Variants in SV2B observed in about 807,000 individuals in gnomAD.
The protein encoded by SV2B is synaptic vesicle glycoprotein 2B.
A neutral mutation model predicts 73.9 loss-of-function variants in SV2B; 41 were observed. The observed-to-expected ratio is 0.56, with a 90% CI of 0.43 to 0.72. The LOEUF is 0.72. SV2B is among the 30% of genes least tolerant of loss of function. The probability of loss-of-function intolerance (pLI) is 0.00; values close to 1 mark genes in which losing one functional copy is unlikely to be tolerated. For missense variants in SV2B, 764 were observed against 857.8 expected (o/e 0.89, Z 1.37); for synonymous variants, 314 against 314.2 (o/e 1.00, Z 0.01).
chr15:91,260,209 A>G lies in SV2B; in HGVS notation c.919-111A>G. The G allele has an allele frequency of 4.4e-6, 4 of 919,178 alleles. No individual in the cohort carries two copies. The South Asian group carries it at 6.7e-5, about 15-fold the overall frequency. 56.9% of individuals were successfully genotyped at this position (919,178 alleles called of 1,614,324 possible). A position where few individuals can be genotyped will look rare whatever the true frequency, so the allele number is the denominator to read the frequency against. ...CATGTGCAATTGCCTCAGACCTGCT[A>G]GGAATGCTCGTATCAACATTCCCAT... is the stretch of plus-strand genomic sequence containing the variant. On this transcript the variant is annotated intron_variant, in intron 5 of 12. Coordinates refer to ENST00000394232, the MANE Select transcript of SV2B (RefSeq NM_001323032.3).
At chr15:91,160,086 A>G (rs2043656928) in intron 1 of SV2B, among the ~76,000 whole-genome samples, 1 of 152,188 alleles carries the variant, frequency 6.6e-6, no homozygotes, top group Non-Finnish European at 1.5e-5. Flanking sequence ...ATATGAAAGG[A>G]CGTGCCATGT....
At chr15:91,125,690 G>T (rs149459093) in intron 1 of SV2B, among the ~76,000 whole-genome samples, 1 of 150,040 alleles carries the variant, frequency 6.7e-6, no homozygotes, top group Non-Finnish European at 1.5e-5. Context: ...TGGGAGGAAT[G>T]CTTGAGCCTG....
rs1255323775 is a variant in SV2B, at chr15:91,106,606, G to A, written c.-392+6243G>A. ...AAGGCTCCAATCGCTTATATCATACGGAAAGCAACGTGTGGTGACAAGAAA... is the reference window on the plus strand; with the variant it reads ...AAGGCTCCAATCGCTTATATCATACAGAAAGCAACGTGTGGTGACAAGAAA... On this transcript the variant is annotated intron_variant, in intron 1 of 12. Transcript: ENST00000394232. The surrounding 1 kb of genome is among the most constrained non-coding windows in gnomAD (Gnocchi z 4.4). 6.6e-6 allele frequency among the ~76,000 whole-genome samples: 1 copy of A among 152,106 alleles called. No individual in the cohort carries two copies. The highest frequency in any genetic ancestry group is 1.5e-5 in the Non-Finnish European group (1 of 68,016).
chr15:91,161,957 C>G (rs1182263033), intron 1 of SV2B, among the ~76,000 whole-genome samples: 1 of 152,188 alleles, frequency 6.6e-6, no homozygotes, highest in Non-Finnish European at 1.5e-5. Context: ...GGCAAAGAAT[C>G]TAATCTCAAA....
chr15:91,251,981 G>A lies in SV2B; in HGVS notation c.614G>A (p.Arg205Gln), dbSNP rs750150251. 3 of 1,613,960 alleles carry A rather than the reference G, an allele frequency of 1.9e-6. No individual in the cohort carries two copies. The highest frequency in any genetic ancestry group is 1.7e-5 in the Admixed American group (1 of 60,022). The change falls in exon 3 of 13, where the codon CGA becomes CAA. Residue 205 changes from arginine to glutamine, a missense_variant. By Grantham distance (43) the Arg-to-Gln change is conservative. Coordinates refer to ENST00000394232, the MANE Select transcript of SV2B (RefSeq NM_001323032.3). Reference sequence around the variant, plus strand: ...GGATATGGAGCCTTCCTCTTCTGCCGACTCATCTCAGGCATCGGGTATGTT... The same window carrying A: ...GGATATGGAGCCTTCCTCTTCTGCCAACTCATCTCAGGCATCGGGTATGTT... ...VQGYGAFLFC[R>Q]LISGIGIGGA... is the part of the protein sequence containing the mutation.
At chr15:91,192,256 G>A (rs780793537) in intron 1 of SV2B, among the ~76,000 whole-genome samples, 26 of 152,184 alleles carry the variant, frequency 1.7e-4, no homozygotes, top group Non-Finnish European at 3.1e-4. Flanking sequence ...GTGTCTTTGT[G>A]TAATAAGCCC....
intron 6 of SV2B, among the ~76,000 whole-genome samples, chr15:91,263,201 C>T (rs576075678): frequency 3.5e-4 from 51 of 146,614 alleles, no homozygotes; most frequent in African/African-American, 1.3e-3. Flanking sequence ...GACACAGAGA[C>T]ACATGGACAC....
At chr15:91,131,729 G>C (rs1312332198) in intron 1 of SV2B, among the ~76,000 whole-genome samples, 1 of 152,156 alleles carries the variant, frequency 6.6e-6, no homozygotes, top group Non-Finnish European at 1.5e-5. Flanking sequence ...TTGGGAGGCC[G>C]AGGCAGGCGG....
chr15:91,181,920 G>C (rs938615295), intron 1 of SV2B, among the ~76,000 whole-genome samples: 2 of 151,718 alleles, frequency 1.3e-5, no homozygotes, highest in African/African-American at 4.8e-5. Context: ...GATTAGATTA[G>C]ATATAGATAG....
chr15:91,180,289 G>C (rs1214910725), intron 1 of SV2B, among the ~76,000 whole-genome samples: 1 of 152,134 alleles, frequency 6.6e-6, no homozygotes, highest in African/African-American at 2.4e-5. Context: ...GCTTCCCTTT[G>C]TGGGTAACCT....
intron 1 of SV2B, among the ~76,000 whole-genome samples, chr15:91,222,860 C>G (rs796367950): frequency 5.9e-5 from 9 of 152,326 alleles, no homozygotes; most frequent in African/African-American, 2.2e-4. Flanking sequence ...CACCTTAGTA[C>G]TCAATTCAGT....
intron 1 of SV2B, among the ~76,000 whole-genome samples, 172 bp from the exon 2 acceptor site, chr15:91,225,701 C>G (rs2046352251): frequency 6.6e-6 from 1 of 152,192 alleles, no homozygotes; most frequent in South Asian, 2.1e-4. Flanking sequence ...AGCCTCCACT[C>G]TCACCGATTC....
intron 1 of SV2B, among the ~76,000 whole-genome samples, chr15:91,180,226 C>T (rs2044495733): frequency 6.6e-6 from 1 of 152,180 alleles, no homozygotes; most frequent in Non-Finnish European, 1.5e-5. Context: ...TTGGCCCCCG[C>T]TCTCTTCTGG....
chr15:91,177,047 C>G lies in SV2B; in HGVS notation c.-391-48826C>G, dbSNP rs559113851. Among the ~76,000 whole-genome samples, 5 of 150,566 alleles carry G rather than the reference C, an allele frequency of 3.3e-5. No homozygotes were observed. The East Asian group carries it at 7.8e-4, about 24-fold the overall frequency. ...TAGGTCTAACATTTAAGTCTTTAAT[C>G]CATCTTGAATTAATTTTTGTATAAG... On this transcript the variant is annotated intron_variant, in intron 1 of 12. Transcript: ENST00000394232.
chr15:91,161,372 C>G (rs1408967424), intron 1 of SV2B, among the ~76,000 whole-genome samples: 2 of 152,008 alleles, frequency 1.3e-5, no homozygotes, highest in Non-Finnish European at 2.9e-5. Context: ...ATTAGGGTGG[C>G]ATATTGAAAC....
At position 91,122,010 on chromosome 15, in the gene SV2B, A is replaced by G. The variant is rs2042352429; in HGVS notation, c.-392+21647A>G. ...AGGATGGTCTCGATCTCCTGACTTC[A>G]TGATTCGCCTGCCTTGGCCTCCCAA... On this transcript the variant is annotated intron_variant, in intron 1 of 12. Transcript: ENST00000394232. This position sits in a 1 kb window ranked among gnomAD's most constrained non-coding sequence, Gnocchi z 4.3. Among the ~76,000 whole-genome samples the G allele has an allele frequency of 6.6e-6, 1 of 152,068 alleles. No individual in the cohort carries two copies. The highest frequency in any genetic ancestry group is 2.4e-5 in the African/African-American group (1 of 41,404).
intron 6 of SV2B, among the ~76,000 whole-genome samples, chr15:91,262,990 T>C (rs916835505): frequency 6.6e-6 from 1 of 152,256 alleles, no homozygotes; most frequent in African/African-American, 2.4e-5. Context: ...CATGGTCTTC[T>C]GTCTCTGCCT....
At chr15:91,209,294 G>A (rs1319436269) in intron 1 of SV2B, among the ~76,000 whole-genome samples, 6 of 151,804 alleles carry the variant, frequency 4.0e-5, no homozygotes, top group East Asian at 3.9e-4. Flanking sequence ...GCTAATTTTT[G>A]TATTTTTAGT....
chr15:91,206,188 C>G (rs1015658830), intron 1 of SV2B, among the ~76,000 whole-genome samples: 1 of 151,288 alleles, frequency 6.6e-6, no homozygotes, highest in Admixed American at 6.6e-5. Context: ...CAGGCACATG[C>G]CACCATGCCT....
Sources: allele counts gnomAD v4.1 joint callset (sites outside exome capture counted in the v4.1 genomes callset), GRCh38; gene constraint gnomAD v4.1.1; non-coding constraint Gnocchi (gnomAD v3.1); transcripts MANE v1.5; gene names NCBI Gene and HGNC (gene_info 2026-07-23, HGNC 2026-07-21).